Variants in WDR49 observed in about 807,000 individuals in gnomAD.
WDR49 encodes the protein WD repeat domain 49, also known as cilia- and flagella-associated protein 337.
In WDR49, 107 loss-of-function variants were observed where a neutral mutation model predicts 119.5. The observed-to-expected ratio is 0.90, with a 90% CI of 0.77 to 1.05. The LOEUF is 1.05. WDR49 is among the 50% of genes least tolerant of loss of function. The pLI is 0.00. For missense variants in WDR49, 1,240 were observed against 1,220.5 expected, an observed-to-expected ratio of 1.02 and a Z score of -0.24; for synonymous variants, 425 against 418.8, an observed-to-expected ratio of 1.01 and a Z score of -0.18.
chr3:167,646,696 C>G (rs1380252465), intron 2 of WDR49, among the ~76,000 whole-genome samples: 1 of 152,116 alleles, frequency 6.6e-6, no homozygotes, highest in East Asian at 1.9e-4. Flanking sequence ...TGTAGCAAAA[C>G]TAGTGTGATA....
At chr3:167,553,104 C>G (rs1464100842) in intron 10 of WDR49, among the ~76,000 whole-genome samples, 1 of 152,022 alleles carries the variant, frequency 6.6e-6, no homozygotes, top group East Asian at 1.9e-4. Flanking sequence ...AGAATCCTGT[C>G]TTAGATCCTG....
chr3:167,591,422 T>A (rs1419040320), intron 7 of WDR49, among the ~76,000 whole-genome samples: 2 of 152,108 alleles, frequency 1.3e-5, no homozygotes, highest in Non-Finnish European at 1.5e-5. Flanking sequence ...ATTAGGTCCA[T>A]TTCTTCTATA....
chr3:167,654,303 CTTTT>C (rs1292858120), upstream of WDR49, among the ~76,000 whole-genome samples: 1 of 151,930 alleles, frequency 6.6e-6, no homozygotes, highest in Non-Finnish European at 1.5e-5. Flanking sequence ...TTCTTATATT[CTTTT>C]TGTCTTAGTT....
intron 5 of WDR49, among the ~76,000 whole-genome samples, chr3:167,613,386 G>A (rs548970039): frequency 2.6e-5 from 4 of 152,276 alleles, no homozygotes; most frequent in Non-Finnish European, 4.4e-5. Flanking sequence ...CAAGCTGCAG[G>A]AAATAGAGCC....
intron 10 of WDR49, among the ~76,000 whole-genome samples, 199 bp downstream of exon 10, chr3:167,554,451 G>C (rs1712795315): frequency 1.3e-5 from 2 of 152,114 alleles, no homozygotes; most frequent in South Asian, 4.1e-4. Context: ...TCCAAAGCCA[G>C]AAGAAAACCT....
chr3:167,511,396 C>T (rs1404754087), intron 16 of WDR49, among the ~76,000 whole-genome samples: 1 of 152,136 alleles, frequency 6.6e-6, no homozygotes, highest in Non-Finnish European at 1.5e-5. Flanking sequence ...AACTTTGCCT[C>T]TCACCCCCAG....
At chr3:167,527,697 A>G in intron 15 of WDR49, 123 bp downstream of exon 15, 1 of 1,033,192 alleles carries the variant, frequency 9.7e-7, no homozygotes, top group Non-Finnish European at 1.4e-6. Context: ...TGCTTCGGAA[A>G]TGTTGTCAGT....
At chr3:167,553,049 G>GTT (rs766369278) in intron 10 of WDR49, among the ~76,000 whole-genome samples, 3 of 152,126 alleles carry the variant, frequency 2.0e-5, no homozygotes, top group East Asian at 3.9e-4. Flanking sequence ...TAACTGAACA[G>GTT]TTTCCTGCCC....
intron 9 of WDR49, among the ~76,000 whole-genome samples, chr3:167,556,017 A>G (rs1712903186): frequency 6.6e-6 from 1 of 152,216 alleles, no homozygotes; most frequent in East Asian, 1.9e-4. Context: ...GTATCTAAAC[A>G]TAGAAAAGGT....
At chr3:167,624,594 T>G (rs1268923604) in intron 3 of WDR49, among the ~76,000 whole-genome samples, 1 of 152,074 alleles carries the variant, frequency 6.6e-6, no homozygotes, top group Non-Finnish European at 1.5e-5. Context: ...CTTGGGACAC[T>G]TTCATATGTG....
chr3:167,522,145 C>T (rs1560266355), intron 16 of WDR49, among the ~76,000 whole-genome samples, 170 bp downstream of exon 16: 1 of 151,970 alleles, frequency 6.6e-6, no homozygotes, highest in African/African-American at 2.4e-5. Flanking sequence ...AATATGGCCC[C>T]GATAATATAA....
rs141999969 is a variant in WDR49 at position 167,482,603 on chromosome 3, C to A, written c.3032-3607G>T. Among the ~76,000 whole-genome samples, 52 of 148,814 alleles carry A rather than the reference C, an allele frequency of 3.5e-4. No homozygotes were observed. In the East Asian group the frequency reaches 8.2e-3, roughly 23 times the overall value. On this transcript the variant is annotated intron_variant, in intron 18 of 18. Transcript: ENST00000682715. ...CTGAGGCAGGAGAATGGCGTGAACC[C>A]GGGAGGCAGAGCTTGCAGTGAGTTG...
intron 18 of WDR49, among the ~76,000 whole-genome samples, chr3:167,491,424 C>G (rs1017014976): frequency 6.6e-6 from 1 of 152,064 alleles, no homozygotes; most frequent in Non-Finnish European, 1.5e-5. Context: ...CCCTCTCTTT[C>G]CTTCCTCTTG....
rs113471491 is a variant in WDR49, at chr3:167,538,396, A to C, written c.1824-1396T>G. ...TTCCCCAGTCAAATCAAATACTTAG[A>C]TTATATCTCTGCAATATGTTACATA... On this transcript the variant is annotated intron_variant, in intron 10 of 18. Coordinates refer to ENST00000682715, the MANE Select transcript of WDR49 (RefSeq NM_001366157.1). Among the ~76,000 whole-genome samples, 709 of 152,148 alleles carry C rather than the reference A, an allele frequency of 4.7e-3. 5 individuals are homozygous for C. The highest frequency in any genetic ancestry group is 0.016 in the African/African-American group (670 of 41,518).
chr3:167,624,703 T>C (rs944984443), intron 3 of WDR49, among the ~76,000 whole-genome samples: 3 of 152,078 alleles, frequency 2.0e-5, no homozygotes, highest in Admixed American at 6.6e-5. Context: ...AAAGAAAGGC[T>C]AAGATTTTAG....
intron 10 of WDR49, among the ~76,000 whole-genome samples, chr3:167,550,944 T>C (rs1283853419): frequency 1.3e-5 from 2 of 151,996 alleles, no homozygotes; most frequent in African/African-American, 4.8e-5. Context: ...CATTTAATTT[T>C]AGCAACATAA....
chr3:167,654,014 A>C (rs1281486576), upstream of WDR49: 1 of 152,228 alleles, frequency 6.6e-6, no homozygotes, highest in African/African-American at 2.4e-5. Context: ...GGCAACCAAC[A>C]CAAAGCCAAC....
chr3:167,536,920 T>C lies in WDR49; in HGVS notation c.1904A>G (p.His635Arg), dbSNP rs1413196526. ...PEEWKGGIQH[H>R]DDILCAAFLP... ...AAACGCAGCACACAAGATGTCATCA[T>C]GGTGCTGTATACCTCCTTTCCATTC... is the stretch of plus-strand genomic sequence containing the variant. The change falls in exon 11 of 19, where the codon CAT (histidine) becomes CGT (arginine). Residue 635 changes from histidine (H) to arginine (R), a missense_variant. Physicochemically the swap from His to Arg is conservative, Grantham distance 29 (BLOSUM62 0). Coordinates refer to ENST00000682715, the MANE Select transcript of WDR49 (RefSeq NM_001366157.1). 4.5e-6 allele frequency: 7 copies of C among 1,558,520 alleles called. No homozygotes were observed. The highest frequency in any genetic ancestry group is 1.2e-5 in the South Asian group (1 of 81,262).
rs533197939 is a variant in WDR49 at position 167,478,852 on chromosome 3, T to A, written c.*26A>T. On this transcript the variant is annotated 3_prime_UTR_variant, in exon 19 of 19. Coordinates refer to ENST00000682715, the MANE Select transcript of WDR49 (RefSeq NM_001366157.1). ...CTGCATTTTATATCTGTACCTTATG[T>A]AACAGTGAAGGTTTTTCTGTTGTAA... 17 of 1,463,742 alleles carry A rather than the reference T, an allele frequency of 1.2e-5. No homozygotes were observed. In the East Asian group the frequency reaches 3.7e-4, roughly 32 times the overall value. 90.7% of individuals were successfully genotyped at this position (1,463,742 alleles called of 1,614,324 possible). A position where few individuals can be genotyped will look rare whatever the true frequency, so the allele number is the denominator to read the frequency against.
Sources: gnomAD v4.1 joint callset for allele counts (sites outside exome capture counted in the v4.1 genomes callset) on GRCh38, gnomAD v4.1.1 for gene constraint, MANE v1.5 for transcripts, NCBI Gene and HGNC (gene_info 2026-07-23, HGNC 2026-07-21) for gene names.